The following CFTR variants were observed in gnomAD, a reference collection of about 807,000 sequenced individuals.
CFTR encodes cystic fibrosis transmembrane conductance regulator.
CFTR carries 181 observed loss-of-function variants against 171.6 expected under a neutral mutation model. That is an observed-to-expected ratio of 1.05 (90% CI 0.93 to 1.19). The LOEUF is 1.19. CFTR is among the 50% of genes most tolerant of loss of function. The probability of loss-of-function intolerance (pLI) is 0.00; values close to 1 mark genes in which losing one functional copy is unlikely to be tolerated. For synonymous variants in CFTR, 583 were observed against 608.0 expected, an observed-to-expected ratio of 0.96 and a Z score of 0.60; for missense variants, 1,968 against 1,734.7, an observed-to-expected ratio of 1.13 and a Z score of -2.39.
Position 117,536,632 on chromosome 7 carries a change from C to A in CFTR, c.828C>A (p.Cys276Ter), listed in dbSNP as rs397508799. ...ATATCCAATCTGTTAAGGCATACTG[C>A]TGGGAAGAAGCAATGGAAAAAATGA... ...IENIQSVKAY[C>*]WEEAMEKMIE... The change falls in exon 7 of 27, where the codon TGC becomes TGA. Residue 276 changes from cysteine (C) to a stop codon, truncating the protein, a stop_gained. Coordinates refer to ENST00000003084, the MANE Select transcript of CFTR (RefSeq NM_000492.4). LOFTEE classifies it high-confidence loss of function. 1 of 1,611,722 alleles carries A rather than the reference C, an allele frequency of 6.2e-7. No homozygotes were observed. Among genetic ancestry groups the A allele is most frequent in the Non-Finnish European group, 8.5e-7 (1 of 1,179,036 alleles).
chr7:117,609,894 G>A, intron 18 of CFTR, among the ~76,000 whole-genome samples: 1 of 152,004 alleles, frequency 6.6e-6, no homozygotes, highest in East Asian at 1.9e-4. Context: ...AATGTTATCA[G>A]TGACCTAAAC....
chr7:117,653,733 T>C (rs1471409202), intron 24 of CFTR, among the ~76,000 whole-genome samples: 1 of 152,172 alleles, frequency 6.6e-6, no homozygotes, highest in Non-Finnish European at 1.5e-5. Context: ...CCCCAAAGTC[T>C]TAACTTGTTC....
At chr7:117,541,658 T>C (rs1408470585) in intron 8 of CFTR, among the ~76,000 whole-genome samples, 1 of 150,008 alleles carries the variant, frequency 6.7e-6, no homozygotes, top group Non-Finnish European at 1.5e-5. Context: ...TCATTTTTTT[T>C]CTCCGTCCAA....
intron 11 of CFTR, among the ~76,000 whole-genome samples, chr7:117,569,379 A>G (rs1328475667): frequency 2.0e-5 from 3 of 152,316 alleles, no homozygotes; most frequent in Middle Eastern, 6.8e-3. Flanking sequence ...GCCAAGTAAG[A>G]TTCCTAAGTA....
In CFTR at chr7:117,551,191, G is replaced by T. The variant is rs886674317; in HGVS notation, c.1392+2368G>T. On this transcript the variant is annotated intron_variant, in intron 10 of 26. Coordinates refer to ENST00000003084, the MANE Select transcript of CFTR (RefSeq NM_000492.4). ...GCCCCATAAATGTTGAATAATAGGG[G>T]TTTGATTAGATAAATTTTGGTGTAG... is the stretch of plus-strand genomic sequence containing the variant. Among the ~76,000 whole-genome samples, 3 of 152,210 alleles carry T rather than the reference G, an allele frequency of 2.0e-5. No individual in the cohort carries two copies. The South Asian group carries it at 6.2e-4, about 32-fold the overall frequency.
Position 117,637,222 on chromosome 7 carries a change from G to GTTT in CFTR, c.3718-5205_3718-5203dup, listed in dbSNP as rs35433853. On this transcript the variant is annotated intron_variant, in intron 22 of 26. Transcript: ENST00000003084. Reference sequence around the variant, plus strand: ...TGCTTGCTCTGTGTTTTCAAATGGTGTTTTTTTTTTTTTGCCTTTTAGTAA... The same window carrying GTTT: ...TGCTTGCTCTGTGTTTTCAAATGGTGTTTTTTTTTTTTTTTTGCCTTTTAGTAA... Among the ~76,000 whole-genome samples, 1,143 of 143,258 alleles carry GTTT rather than the reference G, an allele frequency of 8.0e-3. 18 individuals carry two copies. The highest frequency in any genetic ancestry group is 0.028 in the African/African-American group (1,084 of 39,400). The allele number at this position is 143,258 out of a possible 152,430, so 94.0% of individuals were successfully genotyped here. A position where few individuals can be genotyped will look rare whatever the true frequency, so the allele number is the denominator to read the frequency against.
In CFTR at chr7:117,642,568, G is replaced by T. The variant is rs77902683; in HGVS notation, c.3848G>T (p.Arg1283Met). 3.1e-6 allele frequency: 5 copies of T among 1,613,476 alleles called. No homozygotes were observed. The highest frequency in any genetic ancestry group is 4.2e-6 in the Non-Finnish European group (5 of 1,179,632). Residue 1283 changes from arginine (R) to methionine (M), a missense_variant, in exon 23 of 27, where the codon AGG becomes ATG. Arg to Met is a moderately conservative substitution (Grantham distance 91). Coordinates refer to ENST00000003084, the MANE Select transcript of CFTR (RefSeq NM_000492.4). ...SWDSITLQQW[R>M]KAFGVIPQKV... is the part of the protein sequence containing the mutation. The stretch of plus-strand genomic sequence containing the variant: ...GATTCAATAACTTTGCAACAGTGGA[G>T]GAAAGCCTTTGGAGTGATACCACAG...
chr7:117,480,100 G>A lies in CFTR; in HGVS notation c.6G>A (p.Gln2=). ...ACCCCAGCGCCCGAGAGACCATGCA[G>A]AGGTCGCCTCTGGAAAAGGCCAGCG... is the stretch of plus-strand genomic sequence containing the variant. M[Q]RSPLEKASVV... The change falls in exon 1 of 27, where the codon CAG becomes CAA. Residue 2 remains glutamine, a synonymous_variant. Transcript: ENST00000003084. 1 of 1,613,976 alleles carries A rather than the reference G, an allele frequency of 6.2e-7. No homozygotes were observed. The highest frequency in any genetic ancestry group is 8.5e-7 in the Non-Finnish European group (1 of 1,179,922).
chr7:117,540,388 A>C, intron 8 of CFTR, 42 bp downstream of exon 8: 1 of 1,567,724 alleles, frequency 6.4e-7, no homozygotes, highest in Non-Finnish European at 8.7e-7. Flanking sequence ...TGATTTAAAT[A>C]ATCAGTCAAT....
chr7:117,501,334 G>T (rs188144529), intron 1 of CFTR, among the ~76,000 whole-genome samples: 9 of 152,146 alleles, frequency 5.9e-5, no homozygotes, highest in Non-Finnish European at 1.2e-4. Flanking sequence ...CTTTCCAGCT[G>T]AGCTGATTTT....
Position 117,534,160 on chromosome 7 carries a change from A to G in CFTR, c.490-116A>G, listed in dbSNP as rs138222728. Reference sequence around the variant, plus strand: ...GCTAGATGAATAGAATATAATTTTCATTACCTTTACTTAATAATGAATGCA... The same window carrying G: ...GCTAGATGAATAGAATATAATTTTCGTTACCTTTACTTAATAATGAATGCA... On this transcript the variant is annotated intron_variant, in intron 4 of 26. Transcript: ENST00000003084. 1.2e-3 allele frequency: 796 copies of G among 640,914 alleles called. 2 individuals are homozygous for G. The highest frequency in any genetic ancestry group is 1.7e-3 in the Non-Finnish European group (623 of 358,480). The allele number at this position is 640,914 out of a possible 1,614,324, so 39.7% of individuals were successfully genotyped here.
intron 11 of CFTR, among the ~76,000 whole-genome samples, chr7:117,571,125 G>A (rs1476498818): frequency 6.6e-6 from 1 of 152,186 alleles, no homozygotes; most frequent in Non-Finnish European, 1.5e-5. Flanking sequence ...TGGACAGTCA[G>A]CAAAGGGGAA....
Position 117,548,630 on chromosome 7 carries a change from T to G in CFTR, c.1210-11T>G, listed in dbSNP as rs73715573. The G allele has an allele frequency of 9.8e-3, 15,036 of 1,536,052 alleles. 37 individuals carry two copies. Among genetic ancestry groups the G allele is most frequent in the Middle Eastern group, 0.017 (98 of 5,910 alleles). On this transcript the variant is annotated splice_polypyrimidine_tract_variant and intron_variant, in intron 9 of 26. Coordinates refer to ENST00000003084, the MANE Select transcript of CFTR (RefSeq NM_000492.4). ...GATGTGTGTGTGTGTGTGTGTGTGT[T>G]TTTTTAACAGGGATTTGGGGAATTA...
intron 10 of CFTR, among the ~76,000 whole-genome samples, chr7:117,556,512 CTTTTTTTTTTTTTT>C (rs55700428): frequency 4.4e-5 from 2 of 45,906 alleles, no homozygotes; most frequent in Non-Finnish European, 7.2e-5. Context: ...TGTTTCATTT[CTTTTTTTTTTTTTT>C]TTTTTTTTTT....
chr7:117,603,227 GT>G (rs1350642087), intron 16 of CFTR, among the ~76,000 whole-genome samples: 1 of 152,140 alleles, frequency 6.6e-6, no homozygotes, highest in Non-Finnish European at 1.5e-5. Context: ...AGCTCCTGCA[GT>G]TTCTAAAGAA....
intron 3 of CFTR, among the ~76,000 whole-genome samples, chr7:117,525,871 A>C (rs1351354570): frequency 6.7e-6 from 1 of 150,290 alleles, no homozygotes; most frequent in Non-Finnish European, 1.5e-5. Context: ...TGGAGCATTT[A>C]GTCCATTTAT....
chr7:117,562,110 G>A (rs1325607421), intron 11 of CFTR, among the ~76,000 whole-genome samples: 1 of 152,166 alleles, frequency 6.6e-6, no homozygotes, highest in Admixed American at 6.5e-5. Flanking sequence ...TAGCCATTCA[G>A]TAGAGACTAG....
chr7:117,539,039 G>A (rs1799003629), intron 7 of CFTR, among the ~76,000 whole-genome samples: 1 of 152,108 alleles, frequency 6.6e-6, no homozygotes, highest in Non-Finnish European at 1.5e-5. Flanking sequence ...CAAATGCCAG[G>A]TACCCACATG....
intron 22 of CFTR, among the ~76,000 whole-genome samples, chr7:117,630,983 G>A (rs773543370): frequency 6.6e-6 from 1 of 152,020 alleles, no homozygotes; most frequent in South Asian, 2.1e-4. Context: ...ATAGATAAGA[G>A]ATTGTGGATT....
Sources: allele counts gnomAD v4.1 joint callset (sites outside exome capture counted in the v4.1 genomes callset), GRCh38; gene constraint gnomAD v4.1.1; transcripts MANE v1.5; gene names NCBI Gene and HGNC (gene_info 2026-07-23, HGNC 2026-07-21).